The following PAMR1 variants were observed in gnomAD, a reference collection of about 807,000 sequenced individuals.
The protein encoded by PAMR1 is peptidase domain containing associated with muscle regeneration 1.
In PAMR1, 88 loss-of-function variants were observed where a neutral mutation model predicts 81.8. The observed-to-expected ratio is 1.08, with a 90% CI of 0.91 to 1.28. The LOEUF is 1.28. Ranked by LOEUF, PAMR1 falls within the 50% of genes most tolerant of loss-of-function variation. PAMR1 has a pLI of 0.00. For synonymous variants in PAMR1, 336 were observed against 345.3 expected, an observed-to-expected ratio of 0.97 and a Z score of 0.30; for missense variants, 935 against 919.7, an observed-to-expected ratio of 1.02 and a Z score of -0.21.
At chr11:35,508,562 G>C (rs1438033823) in intron 1 of PAMR1, among the ~76,000 whole-genome samples, 11 of 138,552 alleles carry the variant, frequency 7.9e-5, no homozygotes, top group Non-Finnish European at 1.2e-4. Flanking sequence ...CAGGTTCAGG[G>C]GTACATGCAC....
chr11:35,433,412 A>T (rs928093578), intron 10 of PAMR1, among the ~76,000 whole-genome samples: 21 of 152,216 alleles, frequency 1.4e-4, no homozygotes, highest in Admixed American at 6.5e-5. Flanking sequence ...AGAATATTCC[A>T]CAAGACTTTT....
intron 10 of PAMR1, among the ~76,000 whole-genome samples, chr11:35,433,619 T>G (rs1855958688): frequency 6.6e-6 from 1 of 152,264 alleles, no homozygotes; most frequent in African/African-American, 2.4e-5. Flanking sequence ...AACTGTGGAC[T>G]TTTCAGAGAA....
chr11:35,443,180 CT>C (rs35438792), intron 6 of PAMR1, among the ~76,000 whole-genome samples: 52,750 of 148,096 alleles, frequency 0.36, 9,382 homozygotes, highest in Admixed American at 0.43. Context: ...TGCAACTGTG[CT>C]TTTTTTTTTT....
chr11:35,503,159 C>T (rs1416759318), intron 1 of PAMR1, among the ~76,000 whole-genome samples: 1 of 151,964 alleles, frequency 6.6e-6, no homozygotes, highest in African/African-American at 2.4e-5. Context: ...GAAATGTGGG[C>T]TTGTATCTGG....
intron 6 of PAMR1, among the ~76,000 whole-genome samples, chr11:35,447,585 C>G (rs1179480579): frequency 2.6e-5 from 4 of 152,166 alleles, no homozygotes; most frequent in Non-Finnish European, 5.9e-5. Context: ...AATGGGTCTT[C>G]ACTCTTTATC....
intron 4 of PAMR1, among the ~76,000 whole-genome samples, chr11:35,471,793 A>G (rs1463869895): frequency 6.6e-6 from 1 of 152,214 alleles, no homozygotes. Context: ...GAGAGGCAAA[A>G]GCATTTTTCC....
At position 35,507,819 on chromosome 11, in the gene PAMR1, A is replaced by T. The variant is rs674234; in HGVS notation, c.74-13547T>A. On this transcript the variant is annotated intron_variant, in intron 1 of 10. Coordinates refer to ENST00000619888, the MANE Select transcript of PAMR1 (RefSeq NM_001001991.3). ...AATCTTTTTTTTTTTTTTCCTGCTG[A>T]GTTGCTACTTCTTTTTGGGCAGTAG... Among the ~76,000 whole-genome samples, 979 of 131,806 alleles carry T rather than the reference A, an allele frequency of 7.4e-3. 17 individuals are homozygous for T. Among genetic ancestry groups the T allele is most frequent in the African/African-American group, 0.026 (912 of 34,770 alleles). 86.5% of individuals were successfully genotyped at this position (131,806 alleles called of 152,430 possible).
chr11:35,473,264 G>A (rs1440700571), intron 4 of PAMR1, among the ~76,000 whole-genome samples: 1 of 152,144 alleles, frequency 6.6e-6, no homozygotes, highest in Admixed American at 6.5e-5. Flanking sequence ...TTAACTAAAG[G>A]AAAAGAAATC....
At chr11:35,525,623 G>A, upstream of PAMR1, 3 of 1,593,232 alleles carry the variant, frequency 1.9e-6, no homozygotes, top group Non-Finnish European at 1.7e-6. Context: ...TACTGGGGAG[G>A]GAGAGGAGGG....
chr11:35,511,610 A>C (rs1417938384), intron 1 of PAMR1, among the ~76,000 whole-genome samples: 1 of 152,152 alleles, frequency 6.6e-6, no homozygotes, highest in Non-Finnish European at 1.5e-5. Flanking sequence ...ATTTAATTAA[A>C]ATTTCTACTG....
intron 6 of PAMR1, among the ~76,000 whole-genome samples, chr11:35,444,213 T>C (rs1856244658): frequency 6.6e-6 from 1 of 152,202 alleles, no homozygotes; most frequent in Admixed American, 6.5e-5. Context: ...CTTGTAAAGT[T>C]GTTTAATTTC....
chr11:35,516,315 C>T (rs973553473), intron 1 of PAMR1, among the ~76,000 whole-genome samples: 6 of 152,222 alleles, frequency 3.9e-5, no homozygotes, highest in African/African-American at 1.2e-4. Flanking sequence ...CACAAATATG[C>T]ACCTCATATG....
chr11:35,434,772 T>A lies in PAMR1; in HGVS notation c.1366A>T (p.Lys456Ter). The stretch of plus-strand genomic sequence containing the variant: ...CACGGCCAGCGCAACCCTTGGGTCT[T>A]TGGAGCAGTGATGTTCTCAATTTTC... ...CGKIENITAP[K>*]TQGLRWPWQA... Residue 456 changes from lysine (K) to a stop codon, truncating the protein, a stop_gained, in exon 10 of 11, where the codon AAG (lysine) becomes TAG (stop). Coordinates refer to ENST00000619888, the MANE Select transcript of PAMR1 (RefSeq NM_001001991.3). LOFTEE classifies it high-confidence loss of function. 1 of 1,614,088 alleles carries A rather than the reference T, an allele frequency of 6.2e-7. No individual in the cohort carries two copies. Among genetic ancestry groups the A allele is most frequent in the Non-Finnish European group, 8.5e-7 (1 of 1,179,982 alleles).
intron 6 of PAMR1, among the ~76,000 whole-genome samples, chr11:35,444,089 A>C (rs1345931273): frequency 6.6e-6 from 1 of 152,262 alleles, no homozygotes; most frequent in Non-Finnish European, 1.5e-5. Flanking sequence ...AACTGACTTC[A>C]AATTATACTA....
chr11:35,479,055 A>G (rs574662076), intron 3 of PAMR1, among the ~76,000 whole-genome samples: 9 of 152,160 alleles, frequency 5.9e-5, no homozygotes, highest in Non-Finnish European at 4.4e-5. Flanking sequence ...GGCTCTCAAC[A>G]AAAATGAACA....
At chr11:35,527,647 T>C (rs1329070021), upstream of PAMR1, among the ~76,000 whole-genome samples, 1 of 152,194 alleles carries the variant, frequency 6.6e-6, no homozygotes, top group South Asian at 2.1e-4. Context: ...GGGAAGAAGA[T>C]GACTTAGTTC....
Position 35,453,883 on chromosome 11 carries a change from G to A in PAMR1, c.821-12190C>T, listed in dbSNP as rs557402644. 6.6e-5 allele frequency among the ~76,000 whole-genome samples: 10 copies of A among 152,226 alleles called. No individual in the cohort carries two copies. In the East Asian group the frequency reaches 1.9e-3, roughly 29 times the overall value. On this transcript the variant is annotated intron_variant, in intron 6 of 10. Coordinates refer to ENST00000619888, the MANE Select transcript of PAMR1 (RefSeq NM_001001991.3). ...TGTGATTAATAATAAATAGCACATT[G>A]CCATGCTACTTTCAGGACTCATCCT...
chr11:35,475,941 T>A (rs1330081862), intron 3 of PAMR1, among the ~76,000 whole-genome samples: 1 of 152,140 alleles, frequency 6.6e-6, no homozygotes, highest in Non-Finnish European at 1.5e-5. Flanking sequence ...GGATGCATAG[T>A]TATATTCAAT....
chr11:35,517,197 C>G (rs1851181446), intron 1 of PAMR1, among the ~76,000 whole-genome samples: 1 of 152,190 alleles, frequency 6.6e-6, no homozygotes, highest in African/African-American at 2.4e-5. Context: ...ACTACAAGCA[C>G]CTGGAATACA....
Sources: gnomAD v4.1 joint callset for allele counts (sites outside exome capture counted in the v4.1 genomes callset) on GRCh38, gnomAD v4.1.1 for gene constraint, MANE v1.5 for transcripts, NCBI Gene and HGNC (gene_info 2026-07-23, HGNC 2026-07-21) for gene names.